JMJD1C: variants seen among roughly 807,000 people sequenced by gnomAD.
JMJD1C encodes jumonji domain containing 1C.
Under a neutral mutation model 245.3 loss-of-function variants are expected in JMJD1C, and 31 were observed. That is an observed-to-expected ratio of 0.13 (90% CI 0.09 to 0.17). The LOEUF (loss-of-function observed/expected upper bound fraction) is 0.17, where lower values mean the gene tolerates loss of function less well. Ranked by LOEUF, JMJD1C falls within the 10% of genes least tolerant of loss-of-function variation. The pLI is 1.00. For missense variants in JMJD1C, 2,691 were observed against 3,000.2 expected (o/e 0.90, Z 2.41); for synonymous variants, 1,057 against 1,017.4 (o/e 1.04, Z -0.74).
At chr10:63,514,861 A>T (rs1194332260) in intron 1 of JMJD1C, among the ~76,000 whole-genome samples, 1 of 152,110 alleles carries the variant, frequency 6.6e-6, no homozygotes, top group Non-Finnish European at 1.5e-5. Context: ...TATGGTTCTG[A>T]TGTTTGGTTT....
At chr10:63,360,127 T>C (rs9415693) in intron 2 of JMJD1C, among the ~76,000 whole-genome samples, 21,393 of 151,956 alleles carry the variant, frequency 0.14, 2,206 homozygotes, top group East Asian at 0.35. Flanking sequence ...TTGGGAAACA[T>C]AGCAAGATCC....
chr10:63,374,654 A>G (rs1022000336), intron 2 of JMJD1C, among the ~76,000 whole-genome samples: 2 of 152,230 alleles, frequency 1.3e-5, no homozygotes, highest in African/African-American at 4.8e-5. Flanking sequence ...TATTTATCCC[A>G]GTTGCTTATA....
intron 2 of JMJD1C, among the ~76,000 whole-genome samples, chr10:63,302,586 A>G (rs1026454069): frequency 8.5e-5 from 13 of 152,354 alleles, no homozygotes; most frequent in Middle Eastern, 6.8e-3. Flanking sequence ...CACCTTTACA[A>G]CATCTTGGAA....
chr10:63,279,804 C>T (rs1321250721), intron 2 of JMJD1C, among the ~76,000 whole-genome samples: 1 of 152,148 alleles, frequency 6.6e-6, no homozygotes, highest in East Asian at 1.9e-4. Context: ...GGTTTGAAGA[C>T]ACTAAACCAA....
Position 63,243,124 on chromosome 10 carries a change from T to TATATATAA in JMJD1C, c.447+21526_447+21527insTTATATAT, listed in dbSNP as rs1491362612. On this transcript the variant is annotated intron_variant, in intron 3 of 25. Transcript: ENST00000399262. ...TAAATTATATATATATATATATATA[T>TATATATAA]AAATATATATATGGCTAGATAGGTA... Among the ~76,000 whole-genome samples the TATATATAA allele has an allele frequency of 2.6e-4, 22 of 85,794 alleles. 1 individual carries two copies. Among genetic ancestry groups the TATATATAA allele is most frequent in the Non-Finnish European group, 4.9e-4 (15 of 30,692 alleles). The allele number at this position is 85,794 out of a possible 152,430, so 56.3% of individuals were successfully genotyped here. A position where few individuals can be genotyped will look rare whatever the true frequency, so the allele number is the denominator to read the frequency against.
At chr10:63,439,625 T>G (rs1951249135) in intron 1 of JMJD1C, among the ~76,000 whole-genome samples, 1 of 152,204 alleles carries the variant, frequency 6.6e-6, no homozygotes, top group Non-Finnish European at 1.5e-5. Flanking sequence ...TTTTAAGGCC[T>G]TATTTCTATT....
At chr10:63,306,459 C>A (rs1392680200) in intron 2 of JMJD1C, among the ~76,000 whole-genome samples, 1 of 152,152 alleles carries the variant, frequency 6.6e-6, no homozygotes. Flanking sequence ...GAGCCTCAAA[C>A]TCCAGTAACC....
intron 2 of JMJD1C, among the ~76,000 whole-genome samples, chr10:63,298,322 CTGG>C (rs543970410): frequency 1.8e-4 from 28 of 152,312 alleles, no homozygotes; most frequent in African/African-American, 6.5e-4. Flanking sequence ...GAATTTCCAG[CTGG>C]TGAAGTGACA....
intron 1 of JMJD1C, among the ~76,000 whole-genome samples, chr10:63,504,397 A>C (rs1954654353): frequency 6.6e-6 from 1 of 152,170 alleles, no homozygotes; most frequent in East Asian, 1.9e-4. Flanking sequence ...TAAATGAAGG[A>C]GTCACCACGG....
At chr10:63,497,314 A>T (rs1954394795) in intron 1 of JMJD1C, among the ~76,000 whole-genome samples, 1 of 152,218 alleles carries the variant, frequency 6.6e-6, no homozygotes, top group Non-Finnish European at 1.5e-5. Flanking sequence ...ATGTTTATGT[A>T]TACAATGGAC....
At chr10:63,461,048 A>T (rs1237564306) in intron 1 of JMJD1C, among the ~76,000 whole-genome samples, 5 of 152,208 alleles carry the variant, frequency 3.3e-5, no homozygotes, top group Non-Finnish European at 7.3e-5. Flanking sequence ...CAGAAACACA[A>T]TTAACAACAT....
At chr10:63,395,928 G>C (rs933837573) in intron 1 of JMJD1C, among the ~76,000 whole-genome samples, 1 of 152,088 alleles carries the variant, frequency 6.6e-6, no homozygotes, top group Non-Finnish European at 1.5e-5. Flanking sequence ...AAAAAAGACA[G>C]ATGAAGGTTT....
chr10:63,464,234 C>A (rs969993701), intron 1 of JMJD1C, among the ~76,000 whole-genome samples: 1 of 152,156 alleles, frequency 6.6e-6, no homozygotes, highest in African/African-American at 2.4e-5. Context: ...TTAGAAATAC[C>A]TATCAGCAAA....
At chr10:63,233,690 G>T (rs1589233370) in intron 3 of JMJD1C, among the ~76,000 whole-genome samples, 2 of 149,884 alleles carry the variant, frequency 1.3e-5, no homozygotes, top group South Asian at 4.2e-4. Context: ...CAACTAGAAA[G>T]ATTTTATATA....
chr10:63,190,244 G>A (rs1337048762), intron 17 of JMJD1C, among the ~76,000 whole-genome samples: 8 of 152,054 alleles, frequency 5.3e-5, no homozygotes, highest in South Asian at 2.1e-4. Context: ...TCGCTCTGTC[G>A]CCCAGGCTGG....
At chr10:63,521,348 C>CGGGCGG (rs1564986708) in intron 1 of JMJD1C, 1 of 145,686 alleles carries the variant, frequency 6.9e-6, no homozygotes, top group African/African-American at 2.5e-5. Flanking sequence ...CGGGCGGGGG[C>CGGGCGG]GGGCGGGGAC....
chr10:63,478,353 T>G (rs1486354363), intron 1 of JMJD1C, among the ~76,000 whole-genome samples: 1 of 152,236 alleles, frequency 6.6e-6, no homozygotes, highest in Non-Finnish European at 1.5e-5. Context: ...AGCCGCTTTA[T>G]TTGTAATTGC....
intron 2 of JMJD1C, among the ~76,000 whole-genome samples, chr10:63,305,459 C>CCTCTCTCTCCT (rs376337438): frequency 9.7e-5 from 11 of 113,022 alleles, no homozygotes; most frequent in African/African-American, 3.1e-4. Context: ...ACGCTCTGAC[C>CCTCTCTCTCCT]CTCTCTCTCT....
At chr10:63,474,124 AAAT>A (rs562017064) in intron 1 of JMJD1C, among the ~76,000 whole-genome samples, 81 of 152,144 alleles carry the variant, frequency 5.3e-4, no homozygotes, top group African/African-American at 1.9e-3. Context: ...ATAAATAAAT[AAAT>A]AACTTCTGGG....
Sources: gnomAD v4.1 joint callset for allele counts (sites outside exome capture counted in the v4.1 genomes callset) on GRCh38, gnomAD v4.1.1 for gene constraint, MANE v1.5 for transcripts, NCBI Gene and HGNC (gene_info 2026-07-23, HGNC 2026-07-21) for gene names.